The following PTPRD variants were observed in gnomAD, a reference collection of about 807,000 sequenced individuals.
PTPRD encodes receptor-type tyrosine-protein phosphatase delta.
In PTPRD, 34 loss-of-function variants were observed where a neutral mutation model predicts 214.5. The observed-to-expected ratio is 0.16, with a 90% CI of 0.12 to 0.21. The LOEUF (loss-of-function observed/expected upper bound fraction) is 0.21, where lower values mean the gene tolerates loss of function less well. Ranked by LOEUF, PTPRD falls within the 10% of genes least tolerant of loss-of-function variation. The pLI is 1.00. For synonymous variants in PTPRD, 1,128 were observed against 845.7 expected (o/e 1.33, Z -5.79); for missense variants, 2,545 against 2,398.7 (o/e 1.06, Z -1.27).
intron 3 of PTPRD, among the ~76,000 whole-genome samples, chr9:10,158,290 G>C (rs1282396873): frequency 6.6e-6 from 1 of 152,158 alleles, no homozygotes; most frequent in African/African-American, 2.4e-5. Flanking sequence ...TTACAGGCGT[G>C]AGCCACTGCA....
chr9:8,544,164 C>CTTT lies in PTPRD; in HGVS notation c.353-15388_353-15386dup, dbSNP rs373194856. Among the ~76,000 whole-genome samples the CTTT allele has an allele frequency of 5.6e-4, 62 of 111,116 alleles. 1 individual carries two copies. The highest frequency in any genetic ancestry group is 2.2e-3 in the African/African-American group (60 of 27,468). 72.9% of individuals were successfully genotyped at this position (111,116 alleles called of 152,430 possible). A position where few individuals can be genotyped will look rare whatever the true frequency, so the allele number is the denominator to read the frequency against. On this transcript the variant is annotated intron_variant, in intron 14 of 45. Transcript: ENST00000381196. ...GTGCAAAAGTAAGGTTTTGCCATTA[C>CTTT]TTTTTTTTTTTTTTTTTTTTTGAGA...
intron 10 of PTPRD, among the ~76,000 whole-genome samples, chr9:9,111,073 G>A (rs2099805294): frequency 6.6e-6 from 1 of 152,060 alleles, no homozygotes. Flanking sequence ...CAACAGGGAA[G>A]ATCAGAAGTT....
chr9:9,728,861 T>A (rs78697526), intron 7 of PTPRD, among the ~76,000 whole-genome samples: 1 of 152,138 alleles, frequency 6.6e-6, no homozygotes, highest in African/African-American at 2.4e-5. Context: ...GTTTTTTTAG[T>A]TTATCTAGTG....
At chr9:8,826,239 G>C (rs1449545065) in intron 11 of PTPRD, among the ~76,000 whole-genome samples, 1 of 147,752 alleles carries the variant, frequency 6.8e-6, no homozygotes, top group African/African-American at 2.5e-5. Context: ...TTCCTAAATG[G>C]CCTTCCTATT....
At chr9:8,376,925 G>A (rs1428257760) in intron 37 of PTPRD, among the ~76,000 whole-genome samples, 199 bp from the exon 38 acceptor site, 1 of 152,044 alleles carries the variant, frequency 6.6e-6, no homozygotes, top group East Asian at 1.9e-4. Flanking sequence ...CAAACTGGTA[G>A]GAATACTAAA....
chr9:10,460,598 G>C (rs1420413615), intron 2 of PTPRD, among the ~76,000 whole-genome samples: 1 of 151,984 alleles, frequency 6.6e-6, no homozygotes, highest in Non-Finnish European at 1.5e-5. Flanking sequence ...TTTTTGACAA[G>C]GGCACCAAAA....
At chr9:9,318,945 A>T in intron 9 of PTPRD, among the ~76,000 whole-genome samples, 1 of 152,122 alleles carries the variant, frequency 6.6e-6, no homozygotes. Flanking sequence ...TTTCATCAAG[A>T]TGTGCAATAT....
intron 43 of PTPRD, among the ~76,000 whole-genome samples, chr9:8,337,049 A>C (rs1280725213): frequency 1.3e-5 from 2 of 152,182 alleles, no homozygotes; most frequent in African/African-American, 4.8e-5. Context: ...GTGATTCCTC[A>C]AGGATCTAGA....
At chr9:10,438,039 C>A (rs2098733808) in intron 2 of PTPRD, among the ~76,000 whole-genome samples, 1 of 132,308 alleles carries the variant, frequency 7.6e-6, no homozygotes, top group African/African-American at 3.7e-5. Flanking sequence ...AGTGAAGGGT[C>A]ATGTTCCTAT....
chr9:9,526,790 T>C (rs1227792840), intron 8 of PTPRD, among the ~76,000 whole-genome samples: 1 of 152,208 alleles, frequency 6.6e-6, no homozygotes, highest in Admixed American at 6.5e-5. Flanking sequence ...TCAGAATAAT[T>C]AACATGATGA....
At chr9:9,308,303 T>C (rs1957777041) in intron 9 of PTPRD, among the ~76,000 whole-genome samples, 1 of 152,184 alleles carries the variant, frequency 6.6e-6, no homozygotes, top group Admixed American at 6.6e-5. Flanking sequence ...GAAACACATT[T>C]TAAACGGAAC....
chr9:8,712,935 T>C (rs1323768759), intron 12 of PTPRD, among the ~76,000 whole-genome samples: 3 of 152,108 alleles, frequency 2.0e-5, no homozygotes, highest in Non-Finnish European at 4.4e-5. Flanking sequence ...GCCAGGCTGG[T>C]CTCAAACTCC....
At chr9:10,112,846 T>TA (rs980200225) in intron 3 of PTPRD, among the ~76,000 whole-genome samples, 70 of 152,336 alleles carry the variant, frequency 4.6e-4, no homozygotes, top group African/African-American at 1.2e-3. Flanking sequence ...CGTCTTGTCT[T>TA]AAAATATAAT....
intron 9 of PTPRD, among the ~76,000 whole-genome samples, chr9:9,303,645 T>A (rs17605580): frequency 2.6e-5 from 4 of 151,996 alleles, no homozygotes; most frequent in Non-Finnish European, 5.9e-5. Context: ...ACAGTCAACA[T>A]GTGGATTGGT....
At chr9:10,172,903 C>G (rs1360513357) in intron 3 of PTPRD, among the ~76,000 whole-genome samples, 1 of 151,988 alleles carries the variant, frequency 6.6e-6, no homozygotes, top group Non-Finnish European at 1.5e-5. Context: ...AGAGGAGATA[C>G]CCATGCATAC....
At chr9:10,444,419 T>G (rs371790084) in intron 2 of PTPRD, among the ~76,000 whole-genome samples, 1 of 151,778 alleles carries the variant, frequency 6.6e-6, no homozygotes, top group Non-Finnish European at 1.5e-5. Context: ...TAACATTATA[T>G]AGGCAAAATT....
Position 8,341,937 on chromosome 9 carries a change from G to A in PTPRD, c.4703C>T (p.Ala1568Val), listed in dbSNP as rs2132523667. ...TTCATGCTTTATTCTTTCTAACATG[G>A]CATCTATGACGATGAAGCAACCAGT... ...GRTGCFIVIDAMLERIKHEKT... is the reference protein window; with the variant it reads ...GRTGCFIVIDVMLERIKHEKT... Residue 1568 changes from alanine to valine, a missense_variant, in exon 40 of 46, where the codon GCC becomes GTC. Physicochemically the swap from Ala to Val is moderately conservative, Grantham distance 64. Transcript: ENST00000381196. The A allele has an allele frequency of 6.2e-7, 1 of 1,612,706 alleles. No homozygotes were observed. The highest frequency in any genetic ancestry group is 8.5e-7 in the Non-Finnish European group (1 of 1,179,462).
chr9:9,418,345 T>C (rs1423809645), intron 8 of PTPRD, among the ~76,000 whole-genome samples: 2 of 152,032 alleles, frequency 1.3e-5, no homozygotes, highest in African/African-American at 4.8e-5. Context: ...GTTAGCCATG[T>C]GGAGATTAGT....
chr9:8,853,235 T>C (rs1170674194), intron 11 of PTPRD, among the ~76,000 whole-genome samples: 1 of 152,208 alleles, frequency 6.6e-6, no homozygotes, highest in Non-Finnish European at 1.5e-5. Context: ...GTCAGACTGC[T>C]GTAACATATA....
Sources: gnomAD v4.1 joint callset for allele counts (sites outside exome capture counted in the v4.1 genomes callset) on GRCh38, gnomAD v4.1.1 for gene constraint, MANE v1.5 for transcripts, NCBI Gene and HGNC (gene_info 2026-07-23, HGNC 2026-07-21) for gene names.